ASAP2: variants seen among roughly 807,000 people sequenced by gnomAD.
ASAP2 encodes arf-GAP with SH3 domain, ANK repeat and PH domain-containing protein 2.
A neutral mutation model predicts 131.4 loss-of-function variants in ASAP2; 45 were observed. That is an observed-to-expected ratio of 0.34 (90% CI 0.27 to 0.44). ASAP2 has a LOEUF of 0.44. ASAP2 is among the 20% of genes least tolerant of loss of function. The probability of loss-of-function intolerance (pLI) is 1.00; values close to 1 mark genes in which losing one functional copy is unlikely to be tolerated. For missense variants in ASAP2, 1,011 were observed against 1,297.0 expected (o/e 0.78, Z 3.39); for synonymous variants, 510 against 503.0 (o/e 1.01, Z -0.19).
intron 20 of ASAP2, among the ~76,000 whole-genome samples, chr2:9,381,119 T>C (rs1674806008): frequency 6.6e-6 from 1 of 152,242 alleles, no homozygotes; most frequent in South Asian, 2.1e-4. Flanking sequence ...AAGGGCCTGC[T>C]CTCTGGCCTC....
At chr2:9,387,065 G>T (rs1167968140) in intron 21 of ASAP2, among the ~76,000 whole-genome samples, 13 of 134,720 alleles carry the variant, frequency 9.6e-5, no homozygotes, top group African/African-American at 4.5e-4. Context: ...AATTAGCCGG[G>T]CTTGGTGGTG....
At chr2:9,316,976 C>T (rs1384585120) in intron 3 of ASAP2, among the ~76,000 whole-genome samples, 1 of 147,154 alleles carries the variant, frequency 6.8e-6, no homozygotes, top group Non-Finnish European at 1.5e-5. Flanking sequence ...CCCCGTCACA[C>T]CCTCTCATGT....
At chr2:9,294,191 G>A (rs899446486) in intron 2 of ASAP2, among the ~76,000 whole-genome samples, 4 of 151,924 alleles carry the variant, frequency 2.6e-5, no homozygotes, top group African/African-American at 7.3e-5. Flanking sequence ...TAGAGACAGC[G>A]TTTCATCATG....
chr2:9,344,738 A>G lies in ASAP2; in HGVS notation c.961A>G (p.Lys321Glu). 6.2e-7 allele frequency: 1 copy of G among 1,614,172 alleles called. No individual in the cohort carries two copies. Among genetic ancestry groups the G allele is most frequent in the Non-Finnish European group, 8.5e-7 (1 of 1,179,992 alleles). The stretch of plus-strand genomic sequence containing the variant: ...CTCCCACTTATCCACAAGGATCCGA[A>G]AAGTGTGGCAGAAAAGGAAATGTTC... The part of the protein sequence containing the change: ...SLYKKSDGIR[K>E]VWQKRKCSVK... The change falls in exon 11 of 28, where the codon AAA (lysine) becomes GAA (glutamate). Residue 321 changes from lysine (K) to glutamate (E), a missense_variant. Transcript: ENST00000281419.
chr2:9,329,919 T>C (rs1350110592), intron 7 of ASAP2, among the ~76,000 whole-genome samples: 1 of 152,246 alleles, frequency 6.6e-6, no homozygotes, highest in African/African-American at 2.4e-5. Flanking sequence ...GAATTCCTTT[T>C]CTTCCTCCTG....
intron 3 of ASAP2, among the ~76,000 whole-genome samples, chr2:9,299,678 T>C (rs536090916): frequency 2.0e-5 from 3 of 152,316 alleles, no homozygotes; most frequent in Admixed American, 6.5e-5. Context: ...GCTGACGACG[T>C]AGGAGACGGG....
At chr2:9,329,857 C>G (rs1670716568) in intron 7 of ASAP2, among the ~76,000 whole-genome samples, 1 of 152,202 alleles carries the variant, frequency 6.6e-6, no homozygotes. Flanking sequence ...TTCTGTTCCT[C>G]CTAGGACCCA....
intron 1 of ASAP2, among the ~76,000 whole-genome samples, chr2:9,242,716 T>C (rs1664061460): frequency 6.6e-6 from 1 of 152,226 alleles, no homozygotes; most frequent in Non-Finnish European, 1.5e-5. Flanking sequence ...TTATCCCATT[T>C]TTTCTGTTTC....
rs1279504989 is a variant in ASAP2 at position 9,232,688 on chromosome 2, T to C, written c.126+25458T>C. On this transcript the variant is annotated intron_variant, in intron 1 of 27. Coordinates refer to ENST00000281419, the MANE Select transcript of ASAP2 (RefSeq NM_003887.3). The surrounding 1 kb of genome is among the most constrained non-coding windows in gnomAD (Gnocchi z 4.1). ...CACATCATATATGTTTAATATGTGT[T>C]TGTTGAATGAATAAAACTGACAGGC... 6.6e-6 allele frequency among the ~76,000 whole-genome samples: 1 copy of C among 152,198 alleles called. No individual in the cohort carries two copies.
At chr2:9,252,596 A>G (rs1447456941) in intron 1 of ASAP2, among the ~76,000 whole-genome samples, 1 of 150,582 alleles carries the variant, frequency 6.6e-6, no homozygotes, top group Non-Finnish European at 1.5e-5. Context: ...GCCCCCCAAA[A>G]AAAGCCTTCG....
chr2:9,363,033 A>G (rs1673210497), intron 15 of ASAP2, among the ~76,000 whole-genome samples: 1 of 152,126 alleles, frequency 6.6e-6, no homozygotes, highest in Non-Finnish European at 1.5e-5. Context: ...TTTGCATATA[A>G]ATGAGATCTT....
intron 27 of ASAP2, among the ~76,000 whole-genome samples, chr2:9,402,463 A>T (rs1171716874): frequency 6.6e-6 from 1 of 152,218 alleles, no homozygotes; most frequent in African/African-American, 2.4e-5. Context: ...TCTACTAAAA[A>T]TACAAAAAAT....
At position 9,333,580 on chromosome 2, in the gene ASAP2, A is replaced by G. The variant is rs201130402; in HGVS notation, c.687-1158A>G. 2.6e-5 allele frequency among the ~76,000 whole-genome samples: 4 copies of G among 152,150 alleles called. No homozygotes were observed. The East Asian group carries it at 7.7e-4, about 29-fold the overall frequency. On this transcript the variant is annotated intron_variant, in intron 7 of 27. Transcript: ENST00000281419. The stretch of plus-strand genomic sequence containing the variant: ...TTTAGAGAGAAGAAACAGAATGCAG[A>G]GGGCCAGGGGCAGGAGAACTTGGTG...
intron 3 of ASAP2, among the ~76,000 whole-genome samples, chr2:9,310,475 C>T (rs1387379065): frequency 6.6e-6 from 1 of 152,210 alleles, no homozygotes; most frequent in Non-Finnish European, 1.5e-5. Flanking sequence ...TGGAAAGATT[C>T]TGCCCAGTGA....
intron 24 of ASAP2, among the ~76,000 whole-genome samples, chr2:9,395,569 G>C (rs371270544): frequency 1.3e-5 from 1 of 74,426 alleles, no homozygotes; most frequent in Non-Finnish European, 3.5e-5. Context: ...GTTTTGTTTT[G>C]TTTTGTTTTT....
intron 4 of ASAP2, among the ~76,000 whole-genome samples, chr2:9,320,009 G>C (rs984655803): frequency 6.6e-6 from 1 of 152,234 alleles, no homozygotes; most frequent in Non-Finnish European, 1.5e-5. Flanking sequence ...GTAGGGCACA[G>C]GTGACACAAG....
At chr2:9,241,728 A>G (rs1270023917) in intron 1 of ASAP2, among the ~76,000 whole-genome samples, 2 of 152,252 alleles carry the variant, frequency 1.3e-5, no homozygotes, top group African/African-American at 4.8e-5. Context: ...GTGGATATGT[A>G]TATTTTCAAC....
chr2:9,339,430 C>T (rs1671434469), intron 9 of ASAP2, among the ~76,000 whole-genome samples: 1 of 152,116 alleles, frequency 6.6e-6, no homozygotes, highest in South Asian at 2.1e-4. Context: ...ATACAGCCAA[C>T]CTCAGAGTTT....
rs1672871900 is a variant in ASAP2 at position 9,358,639 on chromosome 2, G to A, written c.1328-117G>A. ...TGGACAAAGTTTCCAGCTGTGTTAA[G>A]GATCAGAAAATGCTCATGCTCAGAA... On this transcript the variant is annotated intron_variant, in intron 14 of 27. Coordinates refer to ENST00000281419, the MANE Select transcript of ASAP2 (RefSeq NM_003887.3). 3.9e-6 allele frequency: 5 copies of A among 1,292,146 alleles called. No individual in the cohort carries two copies. The Admixed American group carries it at 7.1e-5, about 18-fold the overall frequency. The allele number at this position is 1,292,146 out of a possible 1,614,324, so 80.0% of individuals were successfully genotyped here.
Sources: allele counts gnomAD v4.1 joint callset (sites outside exome capture counted in the v4.1 genomes callset), GRCh38; gene constraint gnomAD v4.1.1; non-coding constraint Gnocchi (gnomAD v3.1); transcripts MANE v1.5; gene names NCBI Gene and HGNC (gene_info 2026-07-23, HGNC 2026-07-21).